SLC35F1: variants seen among roughly 807,000 people sequenced by gnomAD.
The protein encoded by SLC35F1 is chromosome 6 open reading frame 169.
In SLC35F1, 14 loss-of-function variants were observed where a neutral mutation model predicts 48.7. The ratio of observed to expected loss-of-function variants is 0.29; its 90% confidence interval spans 0.19 to 0.45. The LOEUF is 0.45. SLC35F1 is among the 20% of genes least tolerant of loss of function. SLC35F1 has a pLI of 1.00. For missense variants in SLC35F1, 404 were observed against 500.0 expected (o/e 0.81, Z 1.83); for synonymous variants, 190 against 202.2 (o/e 0.94, Z 0.51).
intron 1 of SLC35F1, among the ~76,000 whole-genome samples, chr6:117,971,409 A>G (rs146884396): frequency 2.6e-5 from 4 of 152,308 alleles, no homozygotes; most frequent in South Asian, 4.1e-4. Flanking sequence ...CCAGGTGCAC[A>G]GTGCAAGCTG....
chr6:118,188,122 C>A (rs1014070190), intron 2 of SLC35F1, among the ~76,000 whole-genome samples: 1 of 152,208 alleles, frequency 6.6e-6, no homozygotes, highest in African/African-American at 2.4e-5. Context: ...CACCAGCTGA[C>A]CTCCTGACAA....
At chr6:118,109,190 G>T (rs1482780601) in intron 1 of SLC35F1, among the ~76,000 whole-genome samples, 1 of 152,146 alleles carries the variant, frequency 6.6e-6, no homozygotes, top group African/African-American at 2.4e-5. Flanking sequence ...GAAGTAATTG[G>T]CTTTAAGAGG....
intron 1 of SLC35F1, among the ~76,000 whole-genome samples, chr6:118,037,440 G>T (rs1195207505): frequency 1.3e-5 from 2 of 151,602 alleles, no homozygotes; most frequent in Non-Finnish European, 2.9e-5. Flanking sequence ...TGCCTTTTTT[G>T]GGGTTATTTA....
chr6:117,953,715 G>A (rs972993021), intron 1 of SLC35F1, among the ~76,000 whole-genome samples: 2 of 152,194 alleles, frequency 1.3e-5, no homozygotes, highest in African/African-American at 2.4e-5. Flanking sequence ...ATAAGTGAAT[G>A]TTCCAGAGTC....
intron 1 of SLC35F1, chr6:117,999,567 G>GAAAAA: frequency 2.3e-6 from 1 of 427,902 alleles, no homozygotes; most frequent in Non-Finnish European, 3.7e-6. Context: ...ACCTGAGGCA[G>GAAAAA]GAAAAAAAAA....
chr6:118,252,480 G>A (rs1775587130), intron 3 of SLC35F1, among the ~76,000 whole-genome samples: 2 of 152,176 alleles, frequency 1.3e-5, no homozygotes, highest in Middle Eastern at 6.8e-3. Flanking sequence ...AGAAAACTGG[G>A]GAAGAGAAGA....
At chr6:118,213,765 A>G (rs1277404311) in intron 2 of SLC35F1, among the ~76,000 whole-genome samples, 4 of 152,234 alleles carry the variant, frequency 2.6e-5, no homozygotes, top group Admixed American at 6.5e-5. Context: ...TAAAAATTAC[A>G]GAAACACATT....
chr6:118,293,338 C>T (rs1175494588), intron 7 of SLC35F1, among the ~76,000 whole-genome samples: 1 of 152,098 alleles, frequency 6.6e-6, no homozygotes, highest in Non-Finnish European at 1.5e-5. Context: ...CCGTTTCCAG[C>T]TTCTAGAGGC....
At chr6:118,062,938 G>C (rs930301787) in intron 1 of SLC35F1, among the ~76,000 whole-genome samples, 9 of 152,124 alleles carry the variant, frequency 5.9e-5, no homozygotes, top group Non-Finnish European at 1.3e-4. Flanking sequence ...AGTAATATTT[G>C]CTTATAAAGG....
chr6:118,210,701 A>G (rs574715901), intron 2 of SLC35F1, among the ~76,000 whole-genome samples: 5 of 152,278 alleles, frequency 3.3e-5, no homozygotes, highest in Admixed American at 1.3e-4. Flanking sequence ...GGTTCTTCCT[A>G]TTCACTCAAG....
chr6:117,975,655 C>T lies in SLC35F1; in HGVS notation c.173+67756C>T, dbSNP rs193055809. 2.3e-3 allele frequency among the ~76,000 whole-genome samples: 354 copies of T among 152,164 alleles called. 2 individuals carry two copies. The highest frequency in any genetic ancestry group is 4.4e-3 in the Non-Finnish European group (301 of 68,002). On this transcript the variant is annotated intron_variant, in intron 1 of 7. Transcript: ENST00000360388. ...TTATTTATTTATTTATTTTTGTAGA[C>T]GGGAATCTACTAACCTATGTAAAAG...
intron 1 of SLC35F1, among the ~76,000 whole-genome samples, chr6:117,957,442 A>C (rs1001592835): frequency 1.3e-5 from 2 of 152,244 alleles, no homozygotes; most frequent in Non-Finnish European, 2.9e-5. Context: ...TCTACCAAGC[A>C]TCCAAAAAGC....
intron 1 of SLC35F1, among the ~76,000 whole-genome samples, chr6:117,943,423 A>G (rs1430372996): frequency 6.6e-6 from 1 of 152,204 alleles, no homozygotes; most frequent in Admixed American, 6.5e-5. Context: ...TTCTGCTCCA[A>G]CTTTCACTGA....
intron 7 of SLC35F1, among the ~76,000 whole-genome samples, chr6:118,288,009 G>C (rs1368977176): frequency 1.3e-5 from 1 of 77,150 alleles, no homozygotes; most frequent in South Asian, 4.2e-4. Context: ...GCAATGATTT[G>C]GGTTTTTTTT....
intron 1 of SLC35F1, among the ~76,000 whole-genome samples, chr6:117,913,538 A>G (rs1775789065): frequency 6.6e-6 from 1 of 152,238 alleles, no homozygotes. Context: ...GCTGTTCAAT[A>G]TGCAATGCGT....
intron 1 of SLC35F1, among the ~76,000 whole-genome samples, chr6:118,104,612 G>C (rs1773304253): frequency 6.6e-6 from 1 of 152,128 alleles, no homozygotes; most frequent in Non-Finnish European, 1.5e-5. Flanking sequence ...TAAGTAAAAA[G>C]GGAGAAATAA....
intron 1 of SLC35F1, among the ~76,000 whole-genome samples, chr6:118,009,455 C>G (rs772449675): frequency 1.3e-5 from 2 of 152,118 alleles, no homozygotes; most frequent in Non-Finnish European, 2.9e-5. Context: ...ATTTTTAAAT[C>G]TAAGGAAATC....
At chr6:118,119,490 C>T (rs1184437169) in intron 1 of SLC35F1, among the ~76,000 whole-genome samples, 10 of 22,842 alleles carry the variant, frequency 4.4e-4, no homozygotes, top group South Asian at 2.6e-3. Flanking sequence ...CAGTAATAAC[C>T]GGCGCCCCCC....
chr6:118,042,472 C>A (rs1055881993), intron 1 of SLC35F1, among the ~76,000 whole-genome samples: 1 of 152,134 alleles, frequency 6.6e-6, no homozygotes, highest in African/African-American at 2.4e-5. Flanking sequence ...TCTGAATATG[C>A]AAAGACATCA....
Sources: allele counts gnomAD v4.1 joint callset (sites outside exome capture counted in the v4.1 genomes callset), GRCh38; gene constraint gnomAD v4.1.1; transcripts MANE v1.5; gene names NCBI Gene and HGNC (gene_info 2026-07-23, HGNC 2026-07-21).